The following USP35 variants were observed in gnomAD, a reference collection of about 807,000 sequenced individuals.
The protein encoded by USP35 is ubiquitin carboxyl-terminal hydrolase 35.
Under a neutral mutation model 83.8 loss-of-function variants are expected in USP35, and 69 were observed. The observed-to-expected ratio is 0.82, with a 90% CI of 0.68 to 1.01. The LOEUF (loss-of-function observed/expected upper bound fraction) is 1.01. Ranked by LOEUF, USP35 falls within the 50% of genes least tolerant of loss-of-function variation. The probability of loss-of-function intolerance (pLI) is 0.00; values close to 1 mark genes in which losing one functional copy is unlikely to be tolerated. For synonymous variants in USP35, 714 were observed against 589.5 expected (o/e 1.21, Z -3.06); for missense variants, 1,503 against 1,362.5 (o/e 1.10, Z -1.62).
Position 78,214,155 on chromosome 11 carries a change from C to A in USP35, c.*342C>A. 1 of 215,902 alleles carries A rather than the reference C, an allele frequency of 4.6e-6. No individual in the cohort carries two copies. The highest frequency in any genetic ancestry group is 9.0e-6 in the Non-Finnish European group (1 of 110,502). The allele number at this position is 215,902 out of a possible 1,614,324, so 13.4% of individuals were successfully genotyped here. On this transcript the variant is annotated 3_prime_UTR_variant, in exon 11 of 11. Coordinates refer to ENST00000529308, the MANE Select transcript of USP35 (RefSeq NM_020798.4). Reference sequence around the variant, plus strand: ...CAGGAAACAGGCTAGACCTCAGCTCCAATGTTTTGACATCAAGTACTATTT... The same window carrying A: ...CAGGAAACAGGCTAGACCTCAGCTCAAATGTTTTGACATCAAGTACTATTT...
In USP35 at chr11:78,213,871, A is replaced by C. The variant is rs977617292; in HGVS notation, c.*58A>C. 1.1e-5 allele frequency: 17 copies of C among 1,520,464 alleles called. No individual in the cohort carries two copies. The African/African-American group carries it at 2.3e-4, about 21-fold the overall frequency. 94.2% of individuals were successfully genotyped at this position (1,520,464 alleles called of 1,614,324 possible). On this transcript the variant is annotated 3_prime_UTR_variant, in exon 11 of 11. Transcript: ENST00000529308. ...CCAGGAGCCAGGTAGGGCCTGAGGGAAGCTGTGGAGGCAGGCCCTACCAAG... is the reference window on the plus strand; with the variant it reads ...CCAGGAGCCAGGTAGGGCCTGAGGGCAGCTGTGGAGGCAGGCCCTACCAAG...
the USP35 span, chr11:78,220,489 C>T: frequency 1.3e-6 from 2 of 1,523,332 alleles, no homozygotes; most frequent in East Asian, 4.7e-5. Context: ...AGAAAACAGA[C>T]TAACCCACCA....
At position 78,213,735 on chromosome 11, in the gene USP35, G is replaced by A. The variant is rs1863916607; in HGVS notation, c.2979G>A (p.Lys993=). The A allele has an allele frequency of 1.3e-6, 2 of 1,538,322 alleles. No homozygotes were observed. Among genetic ancestry groups the A allele is most frequent in the South Asian group, 2.5e-5 (2 of 78,628 alleles). The change falls in exon 11 of 11, where the codon AAG becomes AAA. Residue 993 remains lysine (K), a synonymous_variant. Transcript: ENST00000529308. ...PHWGRGFDED[K]DEDEGSPGGC... The stretch of plus-strand genomic sequence containing the variant: ...GGGGGAGGGGCTTTGATGAAGACAA[G>A]GATGAGGATGAAGGCTCTCCAGGGG...
chr11:78,226,694 G>A, the USP35 span: 3 of 1,613,916 alleles, frequency 1.9e-6, no homozygotes, highest in Non-Finnish European at 2.5e-6. Flanking sequence ...ATGTCCTAGG[G>A]ATCTGGTAGG....
At chr11:78,225,013 C>T in the USP35 span, 3 of 758,796 alleles carry the variant, frequency 4.0e-6, no homozygotes, top group East Asian at 7.4e-5. Flanking sequence ...ATGGAGACGC[C>T]ATCAATCTTT....
chr11:78,196,484 TC>T lies in USP35; in HGVS notation c.240del (p.Phe80LeufsTer110). ...RHHPDVFAEF[F>X]SARRVLRLLQ... is the part of the protein sequence containing the mutation. ...CACCCCGACGTCTTCGCCGAGTTCT[TC>T]AGCGCGCGTCGCGTGCTGCGCCTGC... On this transcript the variant is annotated frameshift_variant, in exon 2 of 11. Coordinates refer to ENST00000529308, the MANE Select transcript of USP35 (RefSeq NM_020798.4). LOFTEE classifies it high-confidence loss of function. The surrounding 1 kb of genome is among the most constrained non-coding windows in gnomAD (Gnocchi z 4.8). 8.1e-7 allele frequency: 1 copy of T among 1,235,166 alleles called. No individual in the cohort carries two copies. The highest frequency in any genetic ancestry group is 1.0e-6 in the Non-Finnish European group (1 of 986,534). 76.5% of individuals were successfully genotyped at this position (1,235,166 alleles called of 1,614,324 possible).
At chr11:78,209,299 CGTGGATGTGTGGGTGTTTGGTGT>C in intron 9 of USP35, 126 bp from the exon 10 acceptor site, 1 of 840,588 alleles carries the variant, frequency 1.2e-6, no homozygotes, top group Non-Finnish European at 1.8e-6. Flanking sequence ...TGAGCATGTA[CGTGGATGTGTGGGTGTTTGGTGT>C]GTGCATGTGT....
intron 6 of USP35, among the ~76,000 whole-genome samples, chr11:78,203,087 C>G (rs1023834112): frequency 6.6e-6 from 1 of 152,092 alleles, no homozygotes; most frequent in Non-Finnish European, 1.5e-5. Context: ...CATGGATTGT[C>G]TGATCAGGGG....
chr11:78,207,629 T>C lies in USP35; in HGVS notation c.1485+6T>C. On this transcript the variant is annotated splice_donor_region_variant and intron_variant, in intron 8 of 10. Coordinates refer to ENST00000529308, the MANE Select transcript of USP35 (RefSeq NM_020798.4). ...GCTTCCTAGAACACAGCCAGGTGAGTGTAGGGGCAGTCAGAGGGGGGTGGA... is the reference window on the plus strand; with the variant it reads ...GCTTCCTAGAACACAGCCAGGTGAGCGTAGGGGCAGTCAGAGGGGGGTGGA... The C allele has an allele frequency of 6.2e-7, 1 of 1,613,356 alleles. No individual in the cohort carries two copies. The highest frequency in any genetic ancestry group is 1.1e-5 in the South Asian group (1 of 91,050).
chr11:78,197,013 G>C, intron 2 of USP35, 95 bp downstream of exon 2: 27 of 1,374,168 alleles, frequency 2.0e-5, no homozygotes, highest in Non-Finnish European at 2.5e-5. Context: ...GCATGCGGGC[G>C]CCCGTGTGGC....
At chr11:78,220,928 C>T in the USP35 span, among the ~76,000 whole-genome samples, 19 of 152,204 alleles carry the variant, frequency 1.2e-4, no homozygotes, top group Non-Finnish European at 2.5e-4. Flanking sequence ...TGTGAAACTC[C>T]CACCTGTGGC....
intron 6 of USP35, among the ~76,000 whole-genome samples, chr11:78,203,887 C>CTTTTTTT (rs200697593): frequency 6.4e-5 from 8 of 124,444 alleles, no homozygotes; most frequent in South Asian, 2.6e-4. Context: ...CCATATTTTT[C>CTTTTTTT]TTTTCTTTTT....
downstream of USP35, chr11:78,219,400 C>A (rs746171817): frequency 4.3e-6 from 7 of 1,613,532 alleles, no homozygotes; most frequent in Admixed American, 1.0e-4. Context: ...TCAGAGGTGA[C>A]GGATGAAGTA....
chr11:78,223,710 T>G, the USP35 span: 1 of 1,527,360 alleles, frequency 6.5e-7, no homozygotes, highest in Non-Finnish European at 8.8e-7. Context: ...AATACAGCTG[T>G]TACTAGCAAG....
chr11:78,216,028 G>GGA (rs1294176645), downstream of USP35: 2 of 152,622 alleles, frequency 1.3e-5, no homozygotes, highest in Non-Finnish European at 2.9e-5. Flanking sequence ...AGCTAGGAGG[G>GGA]GACTGGGGAT....
chr11:78,225,111 G>A, the USP35 span: 2 of 1,608,254 alleles, frequency 1.2e-6, no homozygotes, highest in Non-Finnish European at 8.5e-7. Context: ...CACTCACCAG[G>A]AAAGAGCCAA....
At position 78,205,844 on chromosome 11, in the gene USP35, C is replaced by A; in HGVS notation, c.1200C>A (p.Asp400Glu). Residue 400 changes from aspartate to glutamate, a missense_variant and splice_region_variant, in exon 7 of 11, where the codon GAC becomes GAA. Asp to Glu is a conservative substitution (Grantham distance 45). Transcript: ENST00000529308. ...LYEPVMEAIK[D>E]LHVPNEDRIK... ...CTGCCTGCTTATTCCCTCCTCAGGA[C>A]CTCCATGTTCCCAATGAGGACCGCA... 1 of 1,611,020 alleles carries A rather than the reference C, an allele frequency of 6.2e-7. No individual in the cohort carries two copies. The highest frequency in any genetic ancestry group is 8.5e-7 in the Non-Finnish European group (1 of 1,177,792).
the USP35 span, chr11:78,226,681 T>C: frequency 6.2e-7 from 1 of 1,613,602 alleles, no homozygotes; most frequent in Non-Finnish European, 8.5e-7. Flanking sequence ...TTGTCCAGAG[T>C]GAATGTCCTA....
downstream of USP35, chr11:78,217,845 G>A: frequency 6.6e-6 from 1 of 152,372 alleles, no homozygotes; most frequent in Non-Finnish European, 1.5e-5. Flanking sequence ...TTCCTACCCT[G>A]CGATCTGACA....
Sources: allele counts gnomAD v4.1 joint callset (sites outside exome capture counted in the v4.1 genomes callset), GRCh38; gene constraint gnomAD v4.1.1; non-coding constraint Gnocchi (gnomAD v3.1); transcripts MANE v1.5; gene names NCBI Gene and HGNC (gene_info 2026-07-23, HGNC 2026-07-21).